KCNIP3: variants seen among roughly 807,000 people sequenced by gnomAD.
KCNIP3 encodes the protein potassium voltage-gated channel interacting protein 3, also known as calsenilin.
Under a neutral mutation model 35.0 loss-of-function variants are expected in KCNIP3, and 28 were observed. The ratio of observed to expected loss-of-function variants is 0.80; its 90% CI spans 0.59 to 1.10. The LOEUF (loss-of-function observed/expected upper bound fraction) is 1.10, where lower values mean the gene tolerates loss of function less well. KCNIP3 is among the 50% of genes least tolerant of loss of function. The pLI is 0.00. For missense variants in KCNIP3, 295 were observed against 338.4 expected (o/e 0.87, Z 1.01); for synonymous variants, 134 against 133.8 (o/e 1.00, Z -0.01).
Position 95,301,763 on chromosome 2 carries a change from C to T in KCNIP3, c.15+4310C>T, listed in dbSNP as rs1472388824. Among the ~76,000 whole-genome samples the T allele has an allele frequency of 4.6e-5, 7 of 152,050 alleles. No homozygotes were observed. The East Asian group carries it at 1.4e-3, about 29-fold the overall frequency. ...CCTCACTGCCAGGCAGCATGGGGAG[C>T]TTGTCCTTGTCAAGGTGGCAGCCAT... On this transcript the variant is annotated intron_variant, in intron 1 of 8. Transcript: ENST00000295225.
chr2:95,353,684 G>A (rs1679582720), intron 2 of KCNIP3, among the ~76,000 whole-genome samples: 1 of 152,178 alleles, frequency 6.6e-6, no homozygotes, highest in African/African-American at 2.4e-5. Flanking sequence ...AGGGCAAGCA[G>A]AAGTGGGTGC....
At chr2:95,298,125 G>C (rs925888942) in intron 1 of KCNIP3, among the ~76,000 whole-genome samples, 12 of 152,220 alleles carry the variant, frequency 7.9e-5, no homozygotes, top group African/African-American at 2.7e-4. Flanking sequence ...AGAATTAAAG[G>C]AGGAATGAGG....
At chr2:95,374,485 T>C (rs537899859) in intron 3 of KCNIP3, 65 bp downstream of exon 3, 1 of 1,573,530 alleles carries the variant, frequency 6.4e-7, no homozygotes, top group South Asian at 1.2e-5. Context: ...CCTGGAAACT[T>C]CTCCATGCCA....
chr2:95,336,739 C>T (rs1359997170), intron 2 of KCNIP3, among the ~76,000 whole-genome samples: 1 of 152,198 alleles, frequency 6.6e-6, no homozygotes, highest in East Asian at 1.9e-4. Flanking sequence ...TGCTTTTAGC[C>T]TTTGTTAGGG....
intron 1 of KCNIP3, among the ~76,000 whole-genome samples, chr2:95,298,190 C>A (rs1349721224): frequency 6.6e-6 from 1 of 151,364 alleles, no homozygotes; most frequent in African/African-American, 2.4e-5. Context: ...AAGGTCTGGC[C>A]TGATGCCCTG....
intron 1 of KCNIP3, 79 bp downstream of exon 1, chr2:95,297,532 C>A: frequency 1.7e-6 from 2 of 1,152,404 alleles, no homozygotes; most frequent in Admixed American, 2.4e-5. Flanking sequence ...TTGCTCTGGA[C>A]CAGGAAGCCT....
intron 2 of KCNIP3, among the ~76,000 whole-genome samples, chr2:95,330,314 C>A (rs1230401514): frequency 1.3e-5 from 2 of 152,166 alleles, no homozygotes; most frequent in Non-Finnish European, 2.9e-5. Context: ...GAAGCCAAAT[C>A]AATATTTATA....
intron 2 of KCNIP3, among the ~76,000 whole-genome samples, chr2:95,358,358 G>A (rs1194478289): frequency 1.3e-5 from 2 of 152,196 alleles, no homozygotes; most frequent in East Asian, 1.9e-4. Context: ...ACTACATGGG[G>A]TATGGGACAG....
At chr2:95,358,203 G>C (rs1468065843) in intron 2 of KCNIP3, among the ~76,000 whole-genome samples, 1 of 152,208 alleles carries the variant, frequency 6.6e-6, no homozygotes, top group Non-Finnish European at 1.5e-5. Flanking sequence ...GAGGGGCTTT[G>C]CAGAGGTACT....
chr2:95,297,682 G>T (rs1400911629), intron 1 of KCNIP3, among the ~76,000 whole-genome samples: 1 of 152,110 alleles, frequency 6.6e-6, no homozygotes, highest in African/African-American at 2.4e-5. Flanking sequence ...TGGTGTTGGG[G>T]TGTCCTGGCT....
chr2:95,360,563 G>A (rs1178747528), intron 2 of KCNIP3, among the ~76,000 whole-genome samples: 2 of 152,200 alleles, frequency 1.3e-5, no homozygotes, highest in Non-Finnish European at 2.9e-5. Context: ...CCCACTCTCA[G>A]TACCAGTTTT....
chr2:95,342,556 G>A (rs148877139), intron 2 of KCNIP3, among the ~76,000 whole-genome samples: 4 of 152,340 alleles, frequency 2.6e-5, no homozygotes, highest in East Asian at 1.9e-4. Flanking sequence ...TCATATGTCC[G>A]AAAGATACAG....
intron 1 of KCNIP3, among the ~76,000 whole-genome samples, chr2:95,302,422 A>G (rs1029617425): frequency 1.3e-5 from 2 of 152,244 alleles, no homozygotes; most frequent in African/African-American, 4.8e-5. Flanking sequence ...CCCTCTCTGC[A>G]TCAAACAATC....
chr2:95,373,489 C>T (rs1340209976), intron 2 of KCNIP3, among the ~76,000 whole-genome samples: 1 of 138,266 alleles, frequency 7.2e-6, no homozygotes, highest in Non-Finnish European at 1.5e-5. Context: ...GTGGCGCGAT[C>T]GCGGCTCACT....
At chr2:95,383,425 C>A in intron 8 of KCNIP3, 131 bp downstream of exon 8, 1 of 882,244 alleles carries the variant, frequency 1.1e-6, no homozygotes, top group South Asian at 1.5e-5. Context: ...CTGTCCTTGG[C>A]CCCTTGCCAC....
intron 2 of KCNIP3, among the ~76,000 whole-genome samples, chr2:95,331,760 C>G (rs1241004349): frequency 2.0e-5 from 3 of 152,240 alleles, no homozygotes; most frequent in African/African-American, 7.2e-5. Context: ...GCTGGCCAGT[C>G]ACGACAGGAA....
intron 2 of KCNIP3, among the ~76,000 whole-genome samples, chr2:95,369,518 T>C (rs771783782): frequency 3.9e-5 from 6 of 152,252 alleles, no homozygotes; most frequent in Non-Finnish European, 7.3e-5. Context: ...TGAAGACTTG[T>C]TCATAATATC....
chr2:95,374,441 C>A, intron 3 of KCNIP3, 21 bp downstream of exon 3: 1 of 1,611,676 alleles, frequency 6.2e-7, no homozygotes, highest in South Asian at 1.1e-5. Flanking sequence ...CCCATTCCCC[C>A]GGGAGAGGCC....
Position 95,381,617 on chromosome 2 carries a change from A to G in KCNIP3, c.469A>G (p.Ile157Val). The change falls in exon 6 of 9, where the codon ATC becomes GTC. Residue 157 changes from isoleucine to valine, a missense_variant. By Grantham distance (29) the Ile-to-Val change is conservative. Transcript: ENST00000295225. ...ATAGGACTTTGTGGTTGGCCTCTCC[A>G]TCCTGCTGCGGGGCACAGTCCACGA... Reference protein sequence around the residue: ...HFEDFVVGLSILLRGTVHEKL... With the variant: ...HFEDFVVGLSVLLRGTVHEKL... The G allele has an allele frequency of 7.4e-6, 12 of 1,614,004 alleles. No individual in the cohort carries two copies. Among genetic ancestry groups the G allele is most frequent in the Non-Finnish European group, 9.3e-6 (11 of 1,179,898 alleles).
Sources: allele counts gnomAD v4.1 joint callset (sites outside exome capture counted in the v4.1 genomes callset), GRCh38; gene constraint gnomAD v4.1.1; transcripts MANE v1.5; gene names NCBI Gene and HGNC (gene_info 2026-07-23, HGNC 2026-07-21).